ARHGAP24: variants seen among roughly 807,000 people sequenced by gnomAD.
The protein encoded by ARHGAP24 is Rho GTPase activating protein 24.
Under a neutral mutation model 76.4 loss-of-function variants are expected in ARHGAP24, and 50 were observed. The observed-to-expected ratio is 0.65, with a 90% CI of 0.52 to 0.83. The LOEUF (loss-of-function observed/expected upper bound fraction) is 0.83. ARHGAP24 is among the 40% of genes least tolerant of loss of function. The pLI is 0.00. For synonymous variants in ARHGAP24, 345 were observed against 323.3 expected (o/e 1.07, Z -0.72); for missense variants, 930 against 914.2 (o/e 1.02, Z -0.22).
chr4:85,815,238 T>G (rs1401809254), intron 3 of ARHGAP24, among the ~76,000 whole-genome samples: 1 of 152,204 alleles, frequency 6.6e-6, no homozygotes, highest in African/African-American at 2.4e-5. Context: ...CCCATTTTTT[T>G]TGGAAATAAC....
chr4:85,581,765 C>G (rs1727623399), intron 2 of ARHGAP24, among the ~76,000 whole-genome samples: 1 of 152,006 alleles, frequency 6.6e-6, no homozygotes, highest in Non-Finnish European at 1.5e-5. Context: ...CAGTATTTAA[C>G]AGTTACATTT....
At chr4:85,839,364 A>G (rs187011003) in intron 3 of ARHGAP24, among the ~76,000 whole-genome samples, 1 of 152,326 alleles carries the variant, frequency 6.6e-6, no homozygotes, top group African/African-American at 2.4e-5. Flanking sequence ...CCAAACTTGA[A>G]TTCTTAATAA....
At chr4:85,974,772 T>G (rs1739227358) in intron 6 of ARHGAP24, 116 bp from the exon 7 acceptor site, 2 of 877,888 alleles carry the variant, frequency 2.3e-6, no homozygotes, top group African/African-American at 1.7e-5. Flanking sequence ...GGACAAGATC[T>G]TTCACTGATA....
intron 5 of ARHGAP24, among the ~76,000 whole-genome samples, chr4:85,945,266 C>T (rs112137275): frequency 0.072 from 10,930 of 152,038 alleles, 1,365 homozygotes; most frequent in African/African-American, 0.25. Context: ...CCTCAGCCTC[C>T]CGAGTAGCTG....
At chr4:85,631,945 T>A (rs1449169977) in intron 2 of ARHGAP24, among the ~76,000 whole-genome samples, 2 of 152,088 alleles carry the variant, frequency 1.3e-5, no homozygotes, top group African/African-American at 2.4e-5. Flanking sequence ...TACTCTAATG[T>A]AACTAGAATA....
chr4:85,914,456 G>A (rs2575685), intron 3 of ARHGAP24, among the ~76,000 whole-genome samples: 98,084 of 152,042 alleles, frequency 0.65, 32,399 homozygotes, highest in East Asian at 0.99. Context: ...GTTTCCGGGT[G>A]CTGCCGAGGT....
chr4:85,710,141 G>A (rs1724468436), intron 2 of ARHGAP24, among the ~76,000 whole-genome samples: 1 of 151,992 alleles, frequency 6.6e-6, no homozygotes, highest in South Asian at 2.1e-4. Context: ...AAATAGCCTG[G>A]TACTGGTACA....
intron 3 of ARHGAP24, among the ~76,000 whole-genome samples, chr4:85,915,587 T>C (rs346511): frequency 0.65 from 95,434 of 147,502 alleles, 31,405 homozygotes; most frequent in East Asian, 0.99. Context: ...CACGCCCCAA[T>C]AAGCCCCAGT....
chr4:85,657,137 A>G (rs372273745), intron 2 of ARHGAP24, among the ~76,000 whole-genome samples: 22 of 150,466 alleles, frequency 1.5e-4, no homozygotes, highest in African/African-American at 4.4e-4. Flanking sequence ...ATAAGAATTG[A>G]TGGATTTTGT....
intron 2 of ARHGAP24, among the ~76,000 whole-genome samples, chr4:85,580,283 A>G (rs1727555862): frequency 4.6e-5 from 7 of 152,150 alleles, no homozygotes; most frequent in Admixed American, 4.6e-4. Context: ...ATCTCTGCCT[A>G]AGAGCCTATT....
At chr4:85,555,858 C>A (rs573886648) in intron 1 of ARHGAP24, among the ~76,000 whole-genome samples, 1 of 72,180 alleles carries the variant, frequency 1.4e-5, no homozygotes, top group South Asian at 1.1e-3. Context: ...AGCAGAGAGG[C>A]CAGGTGGCTC....
intron 5 of ARHGAP24, among the ~76,000 whole-genome samples, chr4:85,951,957 A>G (rs1737642473): frequency 7.2e-6 from 1 of 139,768 alleles, no homozygotes; most frequent in South Asian, 2.3e-4. Flanking sequence ...TTTAATTTGA[A>G]TATTATTTAA....
intron 2 of ARHGAP24, among the ~76,000 whole-genome samples, chr4:85,624,335 T>G (rs566885730): frequency 6.6e-6 from 1 of 152,272 alleles, no homozygotes; most frequent in East Asian, 1.9e-4. Context: ...CTGCATCTAT[T>G]GAGATAATCA....
intron 2 of ARHGAP24, among the ~76,000 whole-genome samples, chr4:85,673,157 C>A (rs560306713): frequency 6.6e-6 from 1 of 152,274 alleles, no homozygotes; most frequent in East Asian, 1.9e-4. Context: ...AGCTGTGCTA[C>A]CCTGTTGCCC....
chr4:85,513,596 G>A (rs933842324), intron 1 of ARHGAP24, among the ~76,000 whole-genome samples: 2 of 151,800 alleles, frequency 1.3e-5, no homozygotes, highest in Admixed American at 6.6e-5. Flanking sequence ...AAATGACCTG[G>A]TCTCTTGGTC....
chr4:85,780,184 A>ATTTTT (rs1727481607), intron 3 of ARHGAP24, among the ~76,000 whole-genome samples: 1 of 38,294 alleles, frequency 2.6e-5, no homozygotes, highest in African/African-American at 7.2e-5. Flanking sequence ...TTTTAGTTTT[A>ATTTTT]TTTTTTTGAG....
chr4:85,801,679 A>T (rs1280604956), intron 3 of ARHGAP24, among the ~76,000 whole-genome samples: 1 of 152,258 alleles, frequency 6.6e-6, no homozygotes, highest in Admixed American at 6.5e-5. Context: ...CTGTAGATCA[A>T]ACCATGTGCT....
chr4:85,809,831 T>A (rs896008764), intron 3 of ARHGAP24, among the ~76,000 whole-genome samples: 12 of 152,344 alleles, frequency 7.9e-5, no homozygotes, highest in Middle Eastern at 3.4e-3. Flanking sequence ...GGATTTCTCC[T>A]TCTGTCATTT....
chr4:85,930,267 T>C, intron 4 of ARHGAP24: 1 of 985,320 alleles, frequency 1.0e-6, no homozygotes, highest in Non-Finnish European at 1.2e-6. Context: ...ACGTTGTGAT[T>C]CTCTCGGGAG....
Sources: allele counts gnomAD v4.1 joint callset (sites outside exome capture counted in the v4.1 genomes callset), GRCh38; gene constraint gnomAD v4.1.1; transcripts MANE v1.5; gene names NCBI Gene and HGNC (gene_info 2026-07-23, HGNC 2026-07-21).